The following TMTC2 variants were observed in gnomAD, a reference collection of about 807,000 sequenced individuals.
TMTC2 encodes the protein transmembrane O-mannosyltransferase targeting cadherins 2, also known as protein O-mannosyl-transferase TMTC2.
In TMTC2, 43 loss-of-function variants were observed where a neutral mutation model predicts 82.4. The observed-to-expected ratio is 0.52, with a 90% CI of 0.41 to 0.67. TMTC2 has a LOEUF of 0.67. TMTC2 is among the 30% of genes least tolerant of loss of function. TMTC2 has a pLI of 0.00. For synonymous variants in TMTC2, 408 were observed against 381.9 expected, an observed-to-expected ratio of 1.07 and a Z score of -0.80; for missense variants, 919 against 1,012.4, an observed-to-expected ratio of 0.91 and a Z score of 1.25.
At position 83,049,570 on chromosome 12, in the gene TMTC2, G is replaced by A. The variant is rs183622088; in HGVS notation, c.2153-1334G>A. Among the ~76,000 whole-genome samples the A allele has an allele frequency of 3.9e-3, 588 of 152,244 alleles. 4 individuals carry two copies. Among genetic ancestry groups the A allele is most frequent in the Admixed American group, 8.2e-3 (126 of 15,290 alleles). On this transcript the variant is annotated intron_variant, in intron 9 of 11. Coordinates refer to ENST00000321196, the MANE Select transcript of TMTC2 (RefSeq NM_152588.3). Reference sequence around the variant, plus strand: ...TCTTTATCCATTCTACCATTGATGAGCATTTAGGTTAATTCCACGTCTTTG... The same window carrying A: ...TCTTTATCCATTCTACCATTGATGAACATTTAGGTTAATTCCACGTCTTTG...
At chr12:83,038,031 G>A (rs565870634) in intron 9 of TMTC2, among the ~76,000 whole-genome samples, 41 of 150,350 alleles carry the variant, frequency 2.7e-4, no homozygotes, top group Middle Eastern at 3.4e-3. Flanking sequence ...GCAAACTATC[G>A]CAAGGACAAA....
intron 9 of TMTC2, among the ~76,000 whole-genome samples, chr12:83,033,234 A>G (rs1403314956): frequency 6.6e-6 from 1 of 152,218 alleles, no homozygotes; most frequent in African/African-American, 2.4e-5. Context: ...CTCAGATTAT[A>G]AAACATGAAA....
chr12:82,885,751 C>A (rs1298357928), intron 2 of TMTC2, among the ~76,000 whole-genome samples: 1 of 152,134 alleles, frequency 6.6e-6, no homozygotes, highest in African/African-American at 2.4e-5. Flanking sequence ...ATACTGTCAA[C>A]ACAACTTACC....
intron 2 of TMTC2, among the ~76,000 whole-genome samples, chr12:82,882,700 G>T (rs548167298): frequency 6.6e-6 from 1 of 152,156 alleles, no homozygotes; most frequent in South Asian, 2.1e-4. Context: ...TAAAATCACT[G>T]GATGTTGAAA....
chr12:82,977,934 G>T (rs892432743), intron 7 of TMTC2, among the ~76,000 whole-genome samples: 31 of 151,624 alleles, frequency 2.0e-4, no homozygotes, highest in African/African-American at 7.5e-4. Context: ...CAAAACACTG[G>T]AAGGAACCTA....
At chr12:82,839,052 A>C (rs1444123796) in intron 1 of TMTC2, among the ~76,000 whole-genome samples, 1 of 152,184 alleles carries the variant, frequency 6.6e-6, no homozygotes, top group African/African-American at 2.4e-5. Context: ...GGCTAGCTAA[A>C]AGCAGAGTGC....
At chr12:82,936,304 G>T (rs1159654682) in intron 4 of TMTC2, among the ~76,000 whole-genome samples, 1 of 151,940 alleles carries the variant, frequency 6.6e-6, no homozygotes, top group Non-Finnish European at 1.5e-5. Context: ...GATATTTCAT[G>T]CAATAATTAG....
chr12:82,856,761 A>G (rs1054980322), intron 1 of TMTC2, among the ~76,000 whole-genome samples: 10 of 152,108 alleles, frequency 6.6e-5, no homozygotes, highest in Non-Finnish European at 1.3e-4. Flanking sequence ...CCAGTTGAAG[A>G]ACTTTATTCT....
At chr12:83,085,859 T>C (rs902647127) in intron 11 of TMTC2, among the ~76,000 whole-genome samples, 4 of 152,226 alleles carry the variant, frequency 2.6e-5, no homozygotes, top group Non-Finnish European at 5.9e-5. Context: ...AAGGCAATAG[T>C]GGTATAGTTC....
intron 11 of TMTC2, among the ~76,000 whole-genome samples, chr12:83,089,642 G>A (rs905121180): frequency 3.9e-5 from 6 of 152,046 alleles, no homozygotes; most frequent in African/African-American, 1.4e-4. Context: ...AAAAACATAA[G>A]CCATGTACTA....
chr12:82,990,503 T>C (rs1879354179), intron 8 of TMTC2, among the ~76,000 whole-genome samples: 1 of 152,190 alleles, frequency 6.6e-6, no homozygotes, highest in African/African-American at 2.4e-5. Flanking sequence ...TCTCTTTGCC[T>C]GTTCAGATTT....
chr12:82,821,933 C>A (rs1869141660), intron 1 of TMTC2, among the ~76,000 whole-genome samples: 1 of 149,180 alleles, frequency 6.7e-6, no homozygotes, highest in Non-Finnish European at 1.5e-5. Context: ...TGCCTTGTAT[C>A]TCTTGCAAGC....
At chr12:82,697,999 G>T (rs1269928217) in intron 1 of TMTC2, among the ~76,000 whole-genome samples, 1 of 152,156 alleles carries the variant, frequency 6.6e-6, no homozygotes, top group Non-Finnish European at 1.5e-5. Context: ...TGACATTCAG[G>T]CACCAAGTGA....
At chr12:83,085,974 T>G (rs1883640101) in intron 11 of TMTC2, among the ~76,000 whole-genome samples, 1 of 152,220 alleles carries the variant, frequency 6.6e-6, no homozygotes, top group African/African-American at 2.4e-5. Flanking sequence ...TGTAATAAAG[T>G]GATTCTCAAC....
intron 8 of TMTC2, among the ~76,000 whole-genome samples, chr12:83,028,509 G>A (rs569260605): frequency 1.3e-5 from 2 of 152,204 alleles, no homozygotes; most frequent in African/African-American, 4.8e-5. Flanking sequence ...ATTGCAGTTC[G>A]CTCTTTTGTG....
rs549747488 is a variant in TMTC2, at chr12:82,827,933, C to T, written c.84-29077C>T. On this transcript the variant is annotated intron_variant, in intron 1 of 11. Coordinates refer to ENST00000321196, the MANE Select transcript of TMTC2 (RefSeq NM_152588.3). ...TTTGAGACAGAGTCTTGCTCTGTCG[C>T]CTGAGCTGGAGTGCAGTGGCACGAT... Among the ~76,000 whole-genome samples, 44 of 150,632 alleles carry T rather than the reference C, an allele frequency of 2.9e-4. No individual in the cohort carries two copies. The South Asian group carries it at 8.8e-3, about 30-fold the overall frequency.
At chr12:83,128,203 G>A (rs1273656546) in intron 11 of TMTC2, among the ~76,000 whole-genome samples, 5 of 152,102 alleles carry the variant, frequency 3.3e-5, no homozygotes, top group Non-Finnish European at 5.9e-5. Context: ...CTCTTCCCCA[G>A]CCCATGAGCT....
At chr12:82,995,322 T>TTA (rs995404843) in intron 8 of TMTC2, among the ~76,000 whole-genome samples, 4 of 78,314 alleles carry the variant, frequency 5.1e-5, no homozygotes, top group African/African-American at 1.5e-4. Context: ...TGGCATTTGG[T>TTA]TATACACACA....
intron 2 of TMTC2, among the ~76,000 whole-genome samples, chr12:82,876,028 C>T (rs113429699): frequency 0.014 from 1,149 of 83,468 alleles, 15 homozygotes; most frequent in East Asian, 0.055. Context: ...GTAGTGGTGG[C>T]GGTGGTGGTG....
Sources: allele counts gnomAD v4.1 joint callset (sites outside exome capture counted in the v4.1 genomes callset), GRCh38; gene constraint gnomAD v4.1.1; transcripts MANE v1.5; gene names NCBI Gene and HGNC (gene_info 2026-07-23, HGNC 2026-07-21).